The following MUSK variants were observed in gnomAD, a reference collection of about 807,000 sequenced individuals.
The protein encoded by MUSK is muscle, skeletal receptor tyrosine-protein kinase.
Under a neutral mutation model 88.7 loss-of-function variants are expected in MUSK, and 55 were observed. That is an observed-to-expected ratio of 0.62 (90% CI 0.50 to 0.78). The LOEUF (loss-of-function observed/expected upper bound fraction) is 0.78. Among genes scored for constraint, MUSK ranks in the 30% least tolerant of loss-of-function variants. MUSK has a pLI of 0.00. For missense variants in MUSK, 1,015 were observed against 1,074.3 expected (o/e 0.94, Z 0.77); for synonymous variants, 387 against 391.9 (o/e 0.99, Z 0.15).
At chr9:110,797,142 A>ATAAAT (rs765643715) in intron 14 of MUSK, among the ~76,000 whole-genome samples, 15 of 53,400 alleles carry the variant, frequency 2.8e-4, no homozygotes, top group East Asian at 2.4e-3. Flanking sequence ...TAAAAAATAA[A>ATAAAT]AAATAAATGC....
At chr9:110,689,672 ATT>A (rs1491070169) in intron 3 of MUSK, among the ~76,000 whole-genome samples, 8 of 8,642 alleles carry the variant, frequency 9.3e-4, no homozygotes, top group Non-Finnish European at 1.5e-3. Flanking sequence ...TACATAGTAT[ATT>A]ATATATAACT....
At chr9:110,675,821 A>G (rs1278744307) in intron 1 of MUSK, among the ~76,000 whole-genome samples, 5 of 151,720 alleles carry the variant, frequency 3.3e-5, no homozygotes, top group Non-Finnish European at 7.4e-5. Context: ...TCGGCCTCCC[A>G]AAGTGCTCGG....
intron 14 of MUSK, 151 bp downstream of exon 14, chr9:110,787,989 C>A: frequency 3.7e-6 from 3 of 811,252 alleles, no homozygotes; most frequent in Non-Finnish European, 6.3e-6. Flanking sequence ...TGGTCTATCC[C>A]AACCCTATAG....
intron 4 of MUSK, among the ~76,000 whole-genome samples, chr9:110,696,065 T>G (rs2076426555): frequency 2.0e-5 from 3 of 152,106 alleles, no homozygotes; most frequent in South Asian, 2.1e-4. Flanking sequence ...AGGCCTGAGG[T>G]CAGAAGTTCA....
intron 9 of MUSK, among the ~76,000 whole-genome samples, chr9:110,774,852 T>C (rs558489149): frequency 7.7e-6 from 1 of 129,978 alleles, no homozygotes; most frequent in Non-Finnish European, 1.6e-5. Context: ...AAAGACACCA[T>C]TGTGGCATAT....
chr9:110,713,826 G>A (rs932082709), intron 5 of MUSK, among the ~76,000 whole-genome samples: 1 of 152,104 alleles, frequency 6.6e-6, no homozygotes, highest in Non-Finnish European at 1.5e-5. Context: ...CTCGTTTAAC[G>A]CATGTCAGAG....
intron 14 of MUSK, among the ~76,000 whole-genome samples, chr9:110,788,271 T>A (rs554372489): frequency 6.6e-6 from 1 of 152,274 alleles, no homozygotes; most frequent in Non-Finnish European, 1.5e-5. Context: ...GATTCATAAA[T>A]TCAACACAAA....
intron 6 of MUSK, 83 bp downstream of exon 6, chr9:110,734,458 C>T (rs2077003736): frequency 1.3e-6 from 2 of 1,564,824 alleles, no homozygotes; most frequent in Admixed American, 3.4e-5. Flanking sequence ...TTGTAGTTAC[C>T]CAGATCTCTG....
At chr9:110,719,765 C>T (rs2076786951) in intron 5 of MUSK, among the ~76,000 whole-genome samples, 1 of 152,042 alleles carries the variant, frequency 6.6e-6, no homozygotes, top group Admixed American at 6.6e-5. Context: ...ACAGAACATT[C>T]TACCCAACAA....
At chr9:110,785,433 CT>C in intron 12 of MUSK, 93 bp from the exon 13 acceptor site, 1 of 1,095,866 alleles carries the variant, frequency 9.1e-7, no homozygotes. Context: ...GTTTTCATTA[CT>C]CTTAAATGCC....
At chr9:110,800,036 T>C (rs1444631394) in intron 14 of MUSK, among the ~76,000 whole-genome samples, 7 of 152,182 alleles carry the variant, frequency 4.6e-5, no homozygotes, top group Admixed American at 2.0e-4. Context: ...GATGTACTTA[T>C]GACAAGTGCC....
At chr9:110,779,058 C>CTCTGTG (rs35729732) in intron 11 of MUSK, among the ~76,000 whole-genome samples, 11 of 149,722 alleles carry the variant, frequency 7.3e-5, no homozygotes, top group Middle Eastern at 3.4e-3. Flanking sequence ...GTCAGTGTCT[C>CTCTGTG]TGTGTGTGTG....
At chr9:110,779,825 G>T (rs999347193) in intron 11 of MUSK, among the ~76,000 whole-genome samples, 10 of 151,870 alleles carry the variant, frequency 6.6e-5, no homozygotes, top group African/African-American at 2.4e-4. Flanking sequence ...ATAATAATTT[G>T]TACTTTACAT....
chr9:110,736,932 A>G (rs1185885823), intron 6 of MUSK, among the ~76,000 whole-genome samples: 1 of 152,148 alleles, frequency 6.6e-6, no homozygotes, highest in East Asian at 1.9e-4. Flanking sequence ...CTTGTAGTTC[A>G]CACTGATAGC....
At chr9:110,717,328 A>G (rs1264908392) in intron 5 of MUSK, among the ~76,000 whole-genome samples, 1 of 149,840 alleles carries the variant, frequency 6.7e-6, no homozygotes, top group African/African-American at 2.5e-5. Context: ...TTTAATATAC[A>G]TATATGATGC....
At chr9:110,780,252 A>C (rs949311264) in intron 11 of MUSK, among the ~76,000 whole-genome samples, 3 of 152,172 alleles carry the variant, frequency 2.0e-5, no homozygotes, top group Non-Finnish European at 4.4e-5. Flanking sequence ...AGTGAAAGTC[A>C]GACACCAATT....
intron 5 of MUSK, among the ~76,000 whole-genome samples, chr9:110,701,957 A>T (rs1189363803): frequency 6.8e-6 from 1 of 146,170 alleles, no homozygotes; most frequent in Admixed American, 7.2e-5. Flanking sequence ...TATGTTGCCC[A>T]GGCTGGTCTC....
At chr9:110,720,916 G>C (rs527827419) in intron 5 of MUSK, among the ~76,000 whole-genome samples, 75 of 152,044 alleles carry the variant, frequency 4.9e-4, no homozygotes, top group Admixed American at 1.4e-3. Context: ...TTTCATACCA[G>C]GGATGCAGGG....
At chr9:110,720,310 C>T (rs540186339) in intron 5 of MUSK, among the ~76,000 whole-genome samples, 2 of 151,892 alleles carry the variant, frequency 1.3e-5, no homozygotes, top group South Asian at 4.1e-4. Flanking sequence ...AAAGCTGGTT[C>T]TTTGAAAAGA....
Sources: gnomAD v4.1 joint callset for allele counts (sites outside exome capture counted in the v4.1 genomes callset) on GRCh38, gnomAD v4.1.1 for gene constraint, MANE v1.5 for transcripts, NCBI Gene and HGNC (gene_info 2026-07-23, HGNC 2026-07-21) for gene names.